GAS2: variants seen among roughly 807,000 people sequenced by gnomAD.
GAS2 encodes the protein growth arrest-specific protein 2.
GAS2 carries 20 observed loss-of-function variants against 37.5 expected under a neutral mutation model. That is an observed-to-expected ratio of 0.53 (90% CI 0.37 to 0.77). The LOEUF is 0.77. GAS2 is among the 30% of genes least tolerant of loss of function. The probability of loss-of-function intolerance (pLI) is 0.00; values close to 1 mark genes in which losing one functional copy is unlikely to be tolerated. For missense variants in GAS2, 336 were observed against 373.4 expected, an observed-to-expected ratio of 0.90 and a Z score of 0.82; for synonymous variants, 144 against 132.2, an observed-to-expected ratio of 1.09 and a Z score of -0.61.
At chr11:22,732,970 A>G (rs1852558379) in intron 4 of GAS2, among the ~76,000 whole-genome samples, 1 of 151,740 alleles carries the variant, frequency 6.6e-6, no homozygotes, top group South Asian at 2.1e-4. Flanking sequence ...GTATATACAC[A>G]TCACCTGGAA....
rs2134289555 is a variant in GAS2, at chr11:22,749,197, C to T, written c.551C>T (p.Pro184Leu). 6.2e-7 allele frequency: 1 copy of T among 1,612,552 alleles called. No homozygotes were observed. Among genetic ancestry groups the T allele is most frequent in the Non-Finnish European group, 8.5e-7 (1 of 1,179,112 alleles). Residue 184 changes from proline (P) to leucine (L), a missense_variant, in exon 6 of 8, where the codon CCT becomes CTT. Coordinates refer to ENST00000454584, the MANE Select transcript of GAS2 (RefSeq NM_001143830.3). ...EQEETLSAPSPSPSPSSKSSG... is the reference protein window; with the variant it reads ...EQEETLSAPSLSPSPSSKSSG... ...GAAGAAACACTTTCTGCCCCTTCTC[C>T]TTCACCTTCTCCTTCATCAAAGTCT...
intron 1 of GAS2, among the ~76,000 whole-genome samples, chr11:22,629,928 T>A (rs1858721013): frequency 6.6e-6 from 1 of 152,196 alleles, no homozygotes; most frequent in African/African-American, 2.4e-5. Flanking sequence ...CGTCTAGAAT[T>A]TTTATGGTTT....
chr11:22,672,448 A>G (rs1443254972), intron 1 of GAS2: 1 of 152,178 alleles, frequency 6.6e-6, no homozygotes. Context: ...GTTACATGCC[A>G]TTAGGCTTAC....
At chr11:22,699,326 TA>T (rs1850707591) in intron 3 of GAS2, among the ~76,000 whole-genome samples, 1 of 152,190 alleles carries the variant, frequency 6.6e-6, no homozygotes, top group African/African-American at 2.4e-5. Context: ...CCAAACTCTT[TA>T]CTATGCATTC....
At chr11:22,763,108 C>A (rs764507318) in intron 7 of GAS2, among the ~76,000 whole-genome samples, 1 of 152,134 alleles carries the variant, frequency 6.6e-6, no homozygotes, top group Non-Finnish European at 1.5e-5. Flanking sequence ...TGGAAGTCAG[C>A]AAAGGGATTT....
chr11:22,714,944 C>A (rs1429500385), intron 3 of GAS2, among the ~76,000 whole-genome samples: 1 of 152,130 alleles, frequency 6.6e-6, no homozygotes, highest in Non-Finnish European at 1.5e-5. Context: ...TATGCTCACA[C>A]CTCAAGGAAC....
At position 22,745,108 on chromosome 11, in the gene GAS2, C is replaced by A. The variant is rs528132727; in HGVS notation, c.474-4012C>A. On this transcript the variant is annotated intron_variant, in intron 5 of 7. Transcript: ENST00000454584. ...AAGTAGAAAAAAGTATTCTAAAATTCATTTGGAACCAAAAAAAAAAAAAAA... is the reference window on the plus strand; with the variant it reads ...AAGTAGAAAAAAGTATTCTAAAATTAATTTGGAACCAAAAAAAAAAAAAAA... 2.3e-4 allele frequency among the ~76,000 whole-genome samples: 19 copies of A among 81,884 alleles called. No homozygotes were observed. The East Asian group carries it at 4.7e-3, about 20-fold the overall frequency. 53.7% of individuals were successfully genotyped at this position (81,884 alleles called of 152,430 possible). A position where few individuals can be genotyped will look rare whatever the true frequency, so the allele number is the denominator to read the frequency against.
At chr11:22,789,543 G>A (rs1326353737) in intron 7 of GAS2, among the ~76,000 whole-genome samples, 1 of 134,014 alleles carries the variant, frequency 7.5e-6, no homozygotes. Context: ...CTCACTGCAA[G>A]CTCCACCTAC....
At chr11:22,636,360 G>T (rs932627883) in intron 1 of GAS2, among the ~76,000 whole-genome samples, 2 of 152,048 alleles carry the variant, frequency 1.3e-5, no homozygotes, top group African/African-American at 4.8e-5. Flanking sequence ...CCTACCTCAC[G>T]GGCCCTGGTA....
chr11:22,808,196 A>T (rs543690755), intron 7 of GAS2, among the ~76,000 whole-genome samples: 14 of 152,338 alleles, frequency 9.2e-5, no homozygotes, highest in African/African-American at 3.1e-4. Flanking sequence ...TGCCTCCTCC[A>T]ACTATAGCTC....
intron 1 of GAS2, among the ~76,000 whole-genome samples, chr11:22,651,960 G>T (rs1255627348): frequency 6.6e-6 from 1 of 152,196 alleles, no homozygotes; most frequent in Admixed American, 6.5e-5. Flanking sequence ...TGTTGCTGGT[G>T]AGGAACTGTG....
chr11:22,668,470 G>C (rs1455840197), intron 1 of GAS2: 1 of 152,156 alleles, frequency 6.6e-6, no homozygotes. Flanking sequence ...ACTGAAGTTT[G>C]GGTTTATTTC....
intron 3 of GAS2, among the ~76,000 whole-genome samples, chr11:22,712,895 G>T (rs1216759908): frequency 6.6e-6 from 1 of 151,878 alleles, no homozygotes; most frequent in Admixed American, 6.6e-5. Context: ...TGGCCAACAT[G>T]ATGAAAACCC....
chr11:22,716,906 A>G (rs955020067), intron 3 of GAS2, among the ~76,000 whole-genome samples: 11 of 152,152 alleles, frequency 7.2e-5, no homozygotes, highest in African/African-American at 2.7e-4. Context: ...GTAGCTGCAA[A>G]AAATAATAAA....
chr11:22,738,314 GT>G (rs894705363), intron 5 of GAS2, among the ~76,000 whole-genome samples: 1 of 151,812 alleles, frequency 6.6e-6, no homozygotes, highest in South Asian at 2.1e-4. Flanking sequence ...TTTGAAACCT[GT>G]TTTTTTTCTG....
intron 1 of GAS2, among the ~76,000 whole-genome samples, chr11:22,649,513 T>C (rs1265550730): frequency 6.6e-6 from 1 of 152,068 alleles, no homozygotes; most frequent in Non-Finnish European, 1.5e-5. Context: ...TCCTTGTACC[T>C]CTGGTAGAAT....
intron 3 of GAS2, among the ~76,000 whole-genome samples, chr11:22,703,968 A>G (rs1018671935): frequency 2.0e-5 from 3 of 152,174 alleles, no homozygotes; most frequent in African/African-American, 7.2e-5. Flanking sequence ...AAAATGTGGT[A>G]ATTTGCATAT....
intron 1 of GAS2, among the ~76,000 whole-genome samples, chr11:22,641,530 C>T (rs1030542225): frequency 2.0e-5 from 3 of 150,868 alleles, no homozygotes; most frequent in African/African-American, 7.3e-5. Context: ...TCTAGAAGTC[C>T]TGTAAGATGT....
chr11:22,648,741 A>G (rs1012666305), intron 1 of GAS2, among the ~76,000 whole-genome samples: 6 of 152,214 alleles, frequency 3.9e-5, no homozygotes, highest in African/African-American at 1.4e-4. Context: ...TTATTTGTGT[A>G]TAAGAATGCT....
Sources: allele counts gnomAD v4.1 joint callset (sites outside exome capture counted in the v4.1 genomes callset), GRCh38; gene constraint gnomAD v4.1.1; transcripts MANE v1.5; gene names NCBI Gene and HGNC (gene_info 2026-07-23, HGNC 2026-07-21).